VPS53: variants seen among roughly 807,000 people sequenced by gnomAD.
VPS53 encodes the protein vacuolar protein sorting-associated protein 53 homolog.
A neutral mutation model predicts 107.0 loss-of-function variants in VPS53; 70 were observed. That is an observed-to-expected ratio of 0.65 (90% CI 0.54 to 0.80). VPS53 has a LOEUF of 0.80. Among genes scored for constraint, VPS53 ranks in the 30% least tolerant of loss-of-function variants. VPS53 has a pLI of 0.00. For synonymous variants in VPS53, 409 were observed against 393.3 expected, an observed-to-expected ratio of 1.04 and a Z score of -0.47; for missense variants, 917 against 1,049.4, an observed-to-expected ratio of 0.87 and a Z score of 1.74.
intron 19 of VPS53, 92 bp downstream of exon 19, chr17:532,750 T>C (rs1909691250): frequency 1.3e-6 from 2 of 1,547,502 alleles, no homozygotes; most frequent in African/African-American, 1.4e-5. Context: ...TCATCAATTT[T>C]ATTCCTGCCA....
At chr17:536,272 AGT>A (rs1240466326) in intron 18 of VPS53, among the ~76,000 whole-genome samples, 2 of 152,020 alleles carry the variant, frequency 1.3e-5, no homozygotes, top group Non-Finnish European at 2.9e-5. Context: ...TCGGACCAAG[AGT>A]GTGTCCAAGT....
rs1973780885 is a variant in VPS53 at position 714,643 on chromosome 17, C to A, written c.67G>T (p.Val23Leu). 1.9e-6 allele frequency: 3 copies of A among 1,612,764 alleles called. No homozygotes were observed. The highest frequency in any genetic ancestry group is 2.7e-5 in the African/African-American group (2 of 74,782). Residue 23 changes from valine to leucine, a missense_variant, in exon 1 of 22, where the codon GTG becomes TTG. Transcript: ENST00000437048. ...LEAVLQLTPEVQLAIEQVFPS... is the reference protein window; with the variant it reads ...LEAVLQLTPELQLAIEQVFPS... ...CTTACCTGCTCGATGGCCAGCTGCA[C>A]CTCGGGCGTGAGCTGCAGCACGGCT...
rs116623357 is a variant in VPS53 at position 509,786 on chromosome 17, A to G, written c.*9342T>C. 1,892 of 170,118 alleles carry G rather than the reference A, an allele frequency of 0.011. 40 individuals carry two copies. Among genetic ancestry groups the G allele is most frequent in the African/African-American group, 0.046 (1,783 of 38,930 alleles). 10.5% of individuals were successfully genotyped at this position (170,118 alleles called of 1,614,324 possible). A position where few individuals can be genotyped will look rare whatever the true frequency, so the allele number is the denominator to read the frequency against. On this transcript the variant is annotated 3_prime_UTR_variant, in exon 22 of 22. Coordinates refer to ENST00000437048, the MANE Select transcript of VPS53 (RefSeq NM_001128159.3). ...CTCACCCCCTTACTAGTCACATATC[A>G]AATCCTGGCTCGCCCCTCACTAGCC...
At chr17:539,666 T>C (rs1471212861) in intron 17 of VPS53, among the ~76,000 whole-genome samples, 1 of 152,154 alleles carries the variant, frequency 6.6e-6, no homozygotes, top group Non-Finnish European at 1.5e-5. Context: ...ACCACTGCAC[T>C]CCAGCCTCAG....
At chr17:644,951 C>T (rs751510835) in intron 7 of VPS53, among the ~76,000 whole-genome samples, 2 of 152,082 alleles carry the variant, frequency 1.3e-5, no homozygotes, top group East Asian at 1.9e-4. Context: ...ATAGAGATTG[C>T]GAAATGAACT....
intron 11 of VPS53, among the ~76,000 whole-genome samples, chr17:618,330 A>G (rs1969256927): frequency 1.0e-5 from 1 of 98,112 alleles, no homozygotes; most frequent in African/African-American, 3.3e-5. Context: ...TTTCCTGGGT[A>G]GCTGGGACTA....
chr17:673,954 T>C (rs1477250755), intron 4 of VPS53: 1 of 152,218 alleles, frequency 6.6e-6, no homozygotes, highest in Admixed American at 6.5e-5. Context: ...AATTCAGCAG[T>C]GCCCAAATAA....
chr17:562,652 G>A lies in VPS53; in HGVS notation c.1407C>T (p.Pro469=), dbSNP rs760107333. Residue 469 remains proline (P), a synonymous_variant, in exon 14 of 22, where the codon CCC becomes CCT. Transcript: ENST00000437048. The stretch of plus-strand genomic sequence containing the variant: ...AGTAGACAAAGAGGTCGGCGCAGCT[G>A]GGGAGCACGGCACCCCCTTCATCAG... The part of the protein sequence containing the change: ...PNTDEGGAVL[P]SCADLFVYYK... 1.2e-6 allele frequency: 2 copies of A among 1,613,932 alleles called. No homozygotes were observed. Among genetic ancestry groups the A allele is most frequent in the Admixed American group, 1.7e-5 (1 of 59,996 alleles).
intron 4 of VPS53, among the ~76,000 whole-genome samples, chr17:663,836 G>GTC (rs911818449): frequency 2.6e-5 from 4 of 152,094 alleles, no homozygotes; most frequent in East Asian, 1.9e-4. Context: ...AGACAGTATG[G>GTC]TCTCTCTCTC....
intron 2 of VPS53, among the ~76,000 whole-genome samples, chr17:707,372 A>G (rs374973915): frequency 2.0e-5 from 3 of 151,850 alleles, no homozygotes; most frequent in African/African-American, 7.3e-5. Flanking sequence ...AAATACAAAA[A>G]TTAGCCGCGT....
intron 12 of VPS53, among the ~76,000 whole-genome samples, chr17:594,460 C>T (rs1292124966): frequency 6.0e-5 from 9 of 150,128 alleles, no homozygotes; most frequent in Admixed American, 3.3e-4. Context: ...CTCTAGTGCC[C>T]CCCCTGGAGG....
rs192581063 is a variant in VPS53 at position 653,998 on chromosome 17, A to G, written c.489-588T>C. Among the ~76,000 whole-genome samples, 307 of 152,326 alleles carry G rather than the reference A, an allele frequency of 2.0e-3. 2 individuals are homozygous for G. Among genetic ancestry groups the G allele is most frequent in the Non-Finnish European group, 2.7e-3 (187 of 68,016 alleles). ...ATCACGAAGTCACGAGATCGAGATC[A>G]TCCTGGCCAACACGGTGAAACACCG... is the stretch of plus-strand genomic sequence containing the variant. On this transcript the variant is annotated intron_variant, in intron 6 of 21. Coordinates refer to ENST00000437048, the MANE Select transcript of VPS53 (RefSeq NM_001128159.3).
chr17:703,623 T>C (rs1973292069), intron 2 of VPS53, among the ~76,000 whole-genome samples: 1 of 152,312 alleles, frequency 6.6e-6, no homozygotes, highest in South Asian at 2.1e-4. Flanking sequence ...TTTTTAAATG[T>C]TTTAGTTATT....
chr17:616,285 G>T (rs1004960326), intron 11 of VPS53: 1 of 152,278 alleles, frequency 6.6e-6, no homozygotes, highest in Non-Finnish European at 1.5e-5. Flanking sequence ...AGAGAAGTCT[G>T]TGGAGAGGAG....
intron 3 of VPS53, 108 bp from the exon 4 acceptor site, chr17:697,592 C>T: frequency 1.1e-6 from 1 of 890,426 alleles, no homozygotes; most frequent in South Asian, 1.6e-5. Context: ...CAGACTGCAC[C>T]TAATTGTCCA....
chr17:565,845 G>C (rs549218888), intron 13 of VPS53, among the ~76,000 whole-genome samples: 88 of 152,280 alleles, frequency 5.8e-4, no homozygotes, highest in South Asian at 1.0e-3. Flanking sequence ...TGCAACTTCT[G>C]TCATCTGCCA....
chr17:591,387 G>A lies in VPS53; in HGVS notation c.1219-5023C>T, dbSNP rs550454793. Among the ~76,000 whole-genome samples the A allele has an allele frequency of 3.9e-4, 59 of 152,124 alleles. No homozygotes were observed. The East Asian group carries it at 0.01, about 27-fold the overall frequency. ...TTGTGTCTCTATTTCCTTCAGTTCT[G>A]CTCTGATTTTCGTTATTTCTTGCCT... is the stretch of plus-strand genomic sequence containing the variant. On this transcript the variant is annotated intron_variant, in intron 12 of 21. Coordinates refer to ENST00000437048, the MANE Select transcript of VPS53 (RefSeq NM_001128159.3).
intron 17 of VPS53, among the ~76,000 whole-genome samples, chr17:540,773 G>A (rs1050196918): frequency 4.6e-5 from 7 of 152,084 alleles, no homozygotes; most frequent in African/African-American, 9.7e-5. Flanking sequence ...GAGTGCCTCC[G>A]GGACCTAGTT....
At chr17:711,452 G>A (rs901689101) in intron 1 of VPS53, among the ~76,000 whole-genome samples, 1 of 152,228 alleles carries the variant, frequency 6.6e-6, no homozygotes. Flanking sequence ...ACCACATCAA[G>A]AGGAGGTGGA....
Sources: gnomAD v4.1 joint callset for allele counts (sites outside exome capture counted in the v4.1 genomes callset) on GRCh38, gnomAD v4.1.1 for gene constraint, MANE v1.5 for transcripts, NCBI Gene and HGNC (gene_info 2026-07-23, HGNC 2026-07-21) for gene names.